Variants in HNF4G observed in about 807,000 individuals in gnomAD.
The protein encoded by HNF4G is hepatocyte nuclear factor 4-gamma.
HNF4G carries 21 observed loss-of-function variants against 50.9 expected under a neutral mutation model. The observed-to-expected ratio is 0.41, with a 90% CI of 0.29 to 0.59. The LOEUF (loss-of-function observed/expected upper bound fraction) is 0.59, where lower values mean the gene tolerates loss of function less well. HNF4G is among the 20% of genes least tolerant of loss of function. The pLI is 0.26. For missense variants in HNF4G, 527 were observed against 559.4 expected, an observed-to-expected ratio of 0.94 and a Z score of 0.58; for synonymous variants, 198 against 185.6, an observed-to-expected ratio of 1.07 and a Z score of -0.54.
chr8:75,531,566 C>T (rs1340381061), intron 2 of HNF4G, among the ~76,000 whole-genome samples: 1 of 151,988 alleles, frequency 6.6e-6, no homozygotes, highest in Non-Finnish European at 1.5e-5. Context: ...ATCCCTTTTT[C>T]ACACTGAACT....
intron 1 of HNF4G, among the ~76,000 whole-genome samples, chr8:75,470,836 T>A (rs998924059): frequency 6.6e-6 from 1 of 152,218 alleles, no homozygotes; most frequent in Non-Finnish European, 1.5e-5. Context: ...AGACTTTAAA[T>A]ATTAGTCAAA....
intron 3 of HNF4G, among the ~76,000 whole-genome samples, chr8:75,549,349 A>AGAAT (rs1256897653): frequency 6.6e-6 from 1 of 152,188 alleles, no homozygotes; most frequent in Non-Finnish European, 1.5e-5. Context: ...ATTTTTCTAA[A>AGAAT]GAATAATCAT....
At chr8:75,518,139 T>TC (rs1361620301) in intron 2 of HNF4G, among the ~76,000 whole-genome samples, 2 of 39,998 alleles carry the variant, frequency 5.0e-5, no homozygotes, top group Admixed American at 3.1e-4. Context: ...CCCTCCCCCC[T>TC]CCCCCCACCC....
At chr8:75,462,208 C>T (rs1286402613) in intron 1 of HNF4G, among the ~76,000 whole-genome samples, 2 of 152,078 alleles carry the variant, frequency 1.3e-5, no homozygotes, top group African/African-American at 2.4e-5. Flanking sequence ...TGAGCCACTG[C>T]GACAGGCCTA....
intron 2 of HNF4G, chr8:75,495,604 C>G (rs1812748471): frequency 6.9e-6 from 1 of 145,496 alleles, no homozygotes; most frequent in African/African-American, 2.6e-5. Context: ...GTGGTGCGAT[C>G]TTGGTTCACT....
At chr8:75,459,998 A>C (rs1021255080) in intron 1 of HNF4G, among the ~76,000 whole-genome samples, 1 of 152,060 alleles carries the variant, frequency 6.6e-6, no homozygotes, top group Non-Finnish European at 1.5e-5. Flanking sequence ...CCTAGTTGTG[A>C]GGCCTTGTAG....
At chr8:75,489,618 G>T (rs1406720829) in intron 1 of HNF4G, among the ~76,000 whole-genome samples, 1 of 152,122 alleles carries the variant, frequency 6.6e-6, no homozygotes, top group East Asian at 1.9e-4. Context: ...TAATTATTTA[G>T]TGCTAAGACC....
At chr8:75,545,305 C>G (rs1458861094) in intron 2 of HNF4G, among the ~76,000 whole-genome samples, 1 of 149,270 alleles carries the variant, frequency 6.7e-6, no homozygotes, top group Admixed American at 6.7e-5. Flanking sequence ...AATCCTACAA[C>G]TTGTGAGAAT....
At chr8:75,469,903 A>G (rs1375605415) in intron 1 of HNF4G, among the ~76,000 whole-genome samples, 1 of 152,056 alleles carries the variant, frequency 6.6e-6, no homozygotes, top group Non-Finnish European at 1.5e-5. Context: ...AAACCTCTGG[A>G]TCCAGAGGCA....
intron 1 of HNF4G, among the ~76,000 whole-genome samples, chr8:75,469,155 C>CT (rs200796539): frequency 2.2e-4 from 33 of 151,190 alleles, no homozygotes; most frequent in East Asian, 5.8e-4. Flanking sequence ...ATTGGAAAAT[C>CT]TTTTTTTTTG....
intron 1 of HNF4G, among the ~76,000 whole-genome samples, chr8:75,464,147 A>C (rs1026287729): frequency 2.6e-5 from 4 of 152,156 alleles, no homozygotes; most frequent in Non-Finnish European, 4.4e-5. Flanking sequence ...TGAGTCACAT[A>C]GTGTACTATG....
upstream of HNF4G, among the ~76,000 whole-genome samples, chr8:75,537,566 C>T (rs572846764): frequency 3.6e-4 from 55 of 151,494 alleles, no homozygotes; most frequent in Non-Finnish European, 5.0e-4. Context: ...TTTTTTCCTC[C>T]ACTATAAAAA....
intron 2 of HNF4G, among the ~76,000 whole-genome samples, chr8:75,530,536 T>G (rs142899921): frequency 6.6e-6 from 1 of 152,130 alleles, no homozygotes; most frequent in African/African-American, 2.4e-5. Flanking sequence ...CTGCAGCTGG[T>G]TGATGACAAT....
At chr8:75,428,003 A>G (rs1810926622) in intron 1 of HNF4G, among the ~76,000 whole-genome samples, 1 of 152,198 alleles carries the variant, frequency 6.6e-6, no homozygotes, top group African/African-American at 2.4e-5. Flanking sequence ...AAATCAATGA[A>G]CAATCCCAAT....
chr8:75,487,846 A>G (rs1343460100), intron 1 of HNF4G, among the ~76,000 whole-genome samples: 2 of 152,144 alleles, frequency 1.3e-5, no homozygotes, highest in Admixed American at 1.3e-4. Context: ...ACAGTTCCTC[A>G]AGGCTGGGGA....
At chr8:75,556,263 C>T (rs1807122246) in intron 6 of HNF4G, among the ~76,000 whole-genome samples, 194 bp downstream of exon 6, 1 of 151,814 alleles carries the variant, frequency 6.6e-6, no homozygotes, top group Admixed American at 6.6e-5. Flanking sequence ...GTTCAGAGTC[C>T]ATGAGACAAT....
intron 1 of HNF4G, among the ~76,000 whole-genome samples, chr8:75,472,812 T>C (rs1812146917): frequency 6.6e-6 from 1 of 152,186 alleles, no homozygotes; most frequent in Admixed American, 6.5e-5. Context: ...TATTATTTTA[T>C]TCCCAGTGCG....
chr8:75,449,768 A>G (rs867165852), intron 1 of HNF4G, among the ~76,000 whole-genome samples: 1 of 152,044 alleles, frequency 6.6e-6, no homozygotes, highest in Non-Finnish European at 1.5e-5. Flanking sequence ...TGGCCTCCCA[A>G]AGTGCTGGGA....
intron 5 of HNF4G, 107 bp downstream of exon 5, chr8:75,553,304 G>T: frequency 1.1e-6 from 1 of 879,224 alleles, no homozygotes; most frequent in Non-Finnish European, 1.7e-6. Context: ...TACTGTATTT[G>T]GCAAAAGATA....
Sources: allele counts gnomAD v4.1 joint callset (sites outside exome capture counted in the v4.1 genomes callset), GRCh38; gene constraint gnomAD v4.1.1; transcripts MANE v1.5; gene names NCBI Gene and HGNC (gene_info 2026-07-23, HGNC 2026-07-21).